LDHA: variants seen among roughly 807,000 people sequenced by gnomAD.
The protein encoded by LDHA is L-lactate dehydrogenase A chain.
A neutral mutation model predicts 36.3 loss-of-function variants in LDHA; 10 were observed. The observed-to-expected ratio is 0.28, with a 90% CI of 0.17 to 0.47. The LOEUF is 0.47. Ranked by LOEUF, LDHA falls within the 20% of genes least tolerant of loss-of-function variation. The pLI is 0.99. For missense variants in LDHA, 267 were observed against 405.8 expected (o/e 0.66, Z 2.94); for synonymous variants, 110 against 136.7 (o/e 0.80, Z 1.36).
Position 18,403,163 on chromosome 11 carries a change from A to C in LDHA, c.592+150A>C. 5.7e-6 allele frequency: 4 copies of C among 696,968 alleles called. No individual in the cohort carries two copies. In the South Asian group the frequency reaches 7.6e-5, roughly 13 times the overall value. The allele number at this position is 696,968 out of a possible 1,614,324, so 43.2% of individuals were successfully genotyped here. A position where few individuals can be genotyped will look rare whatever the true frequency, so the allele number is the denominator to read the frequency against. On this transcript the variant is annotated intron_variant, in intron 5 of 7. Transcript: ENST00000422447. Reference sequence around the variant, plus strand: ...TAGCATTTTGTATAATTATATGTTAAGAATTGTTAAGATTGTTGCCATTTT... The same window carrying C: ...TAGCATTTTGTATAATTATATGTTACGAATTGTTAAGATTGTTGCCATTTT...
At chr11:18,403,074 T>G (rs1335395665) in intron 5 of LDHA, 61 bp downstream of exon 5, 50 of 1,396,456 alleles carry the variant, frequency 3.6e-5, no homozygotes, top group South Asian at 2.5e-4. Flanking sequence ...CGATGGGCAT[T>G]ATATTATTCA....
At chr11:18,404,908 A>G (rs1866630488) in intron 6 of LDHA, among the ~76,000 whole-genome samples, 1 of 152,140 alleles carries the variant, frequency 6.6e-6, no homozygotes, top group East Asian at 1.9e-4. Flanking sequence ...AAACCTGTGA[A>G]CCCACCACCC....
chr11:18,406,999 C>G, intron 7 of LDHA, 118 bp from the exon 8 acceptor site: 2 of 788,086 alleles, frequency 2.5e-6, no homozygotes, highest in Non-Finnish European at 3.9e-6. Flanking sequence ...GAGCGAGACT[C>G]TGCCTCAAAA....
intron 1 of LDHA, 26 bp from the exon 2 acceptor site, chr11:18,396,793 G>T: frequency 6.4e-7 from 1 of 1,565,454 alleles, no homozygotes; most frequent in South Asian, 1.2e-5. Flanking sequence ...AAGCTGTAGT[G>T]ACACTAAATG....
chr11:18,395,600 C>T (rs997418594), intron 1 of LDHA, among the ~76,000 whole-genome samples: 5 of 152,128 alleles, frequency 3.3e-5, no homozygotes, highest in African/African-American at 4.8e-5. Flanking sequence ...AGGAGAGACC[C>T]GGCTCCAGCT....
chr11:18,404,161 C>T (rs1866594521), intron 6 of LDHA, among the ~76,000 whole-genome samples: 1 of 151,860 alleles, frequency 6.6e-6, no homozygotes, highest in African/African-American at 2.4e-5. Context: ...GAATGTGCCT[C>T]ACCTTGCAAG....
At chr11:18,398,073 T>C (rs1866358785) in intron 2 of LDHA, among the ~76,000 whole-genome samples, 1 of 152,222 alleles carries the variant, frequency 6.6e-6, no homozygotes, top group South Asian at 2.1e-4. Context: ...TTCTCTGTGA[T>C]GGCCTCTGGC....
chr11:18,400,568 A>AT, intron 3 of LDHA: 1 of 483,094 alleles, frequency 2.1e-6, no homozygotes, highest in Non-Finnish European at 3.9e-6. Flanking sequence ...TTGGGGATCA[A>AT]AAATTTGAGG....
intron 5 of LDHA, among the ~76,000 whole-genome samples, 178 bp downstream of exon 5, chr11:18,403,191 A>G (rs1866563885): frequency 6.6e-6 from 1 of 152,184 alleles, no homozygotes; most frequent in African/African-American, 2.4e-5. Context: ...GCCATTTTAT[A>G]TGGCATTTTA....
At chr11:18,400,426 CCACCACACACACACACA>C in intron 3 of LDHA, 12 of 238,984 alleles carry the variant, frequency 5.0e-5, no homozygotes, top group Non-Finnish European at 5.5e-5. Context: ...CCTACCACCA[CCACCACACACACACACA>C]CACACACACA....
Position 18,401,473 on chromosome 11 carries a change from C to CTTTTTTTTTTTTT in LDHA, c.418+473_418+485dup, listed in dbSNP as rs58157049. Among the ~76,000 whole-genome samples, 18 of 68,588 alleles carry CTTTTTTTTTTTTT rather than the reference C, an allele frequency of 2.6e-4. 1 individual carries two copies. Among genetic ancestry groups the CTTTTTTTTTTTTT allele is most frequent in the Non-Finnish European group, 3.3e-4 (13 of 39,194 alleles). The allele number at this position is 68,588 out of a possible 152,430, so 45.0% of individuals were successfully genotyped here. A position where few individuals can be genotyped will look rare whatever the true frequency, so the allele number is the denominator to read the frequency against. On this transcript the variant is annotated intron_variant, in intron 4 of 7. Transcript: ENST00000422447. The stretch of plus-strand genomic sequence containing the variant: ...CATATTTATTGATTCATTTATTTTT[C>CTTTTTTTTTTTTT]TTTTTTTTTTTTTTTTTTTTTTGAG...
At chr11:18,394,737 T>C in intron 1 of LDHA, 101 bp downstream of exon 1, 2 of 444,810 alleles carry the variant, frequency 4.5e-6, no homozygotes, top group Non-Finnish European at 9.1e-6. Flanking sequence ...GGATTCCTGC[T>C]CCCGGGAGGT....
Position 18,405,464 on chromosome 11 carries a change from C to T in LDHA, c.726C>T (p.Ile242=). The stretch of plus-strand genomic sequence containing the variant: ...TATCATACAGTGCTTATGAGGTGAT[C>T]AAACTCAAAGGCTACACATCCTGGG... ...KQVVESAYEV[I]KLKGYTSWAI... The change falls in exon 7 of 8, where the codon ATC becomes ATT. Residue 242 remains isoleucine, a synonymous_variant. Transcript: ENST00000422447. 1 of 1,613,246 alleles carries T rather than the reference C, an allele frequency of 6.2e-7. No homozygotes were observed. Among genetic ancestry groups the T allele is most frequent in the African/African-American group, 1.3e-5 (1 of 75,012 alleles).
intron 3 of LDHA, 196 bp from the exon 4 acceptor site, chr11:18,400,641 T>C (rs572046429): frequency 7.1e-5 from 47 of 666,546 alleles, no homozygotes; most frequent in African/African-American, 6.9e-4. Context: ...TCTCCCTAAT[T>C]GTAGTTACAT....
In LDHA at chr11:18,408,397, T is replaced by C. The variant is rs543384332; in HGVS notation, c.*1116T>C. The C allele has an allele frequency of 1.6e-4, 56 of 347,594 alleles. No homozygotes were observed. Among genetic ancestry groups the C allele is most frequent in the African/African-American group, 1.1e-3 (50 of 46,736 alleles). The allele number at this position is 347,594 out of a possible 1,614,324, so 21.5% of individuals were successfully genotyped here. ...GATGTCTACTCAAGTTTTCTGCACATTTTTCTGAAAATACAACTGTGACCC... is the reference window on the plus strand; with the variant it reads ...GATGTCTACTCAAGTTTTCTGCACACTTTTCTGAAAATACAACTGTGACCC... On this transcript the variant is annotated 3_prime_UTR_variant, in exon 8 of 8. Coordinates refer to ENST00000422447, the MANE Select transcript of LDHA (RefSeq NM_005566.4).
chr11:18,399,894 T>C (rs1866422051), intron 3 of LDHA: 1 of 257,222 alleles, frequency 3.9e-6, no homozygotes. Context: ...TGTGCCCGGC[T>C]TTAGACTTAA....
intron 4 of LDHA, among the ~76,000 whole-genome samples, chr11:18,402,006 G>C (rs1300887095): frequency 1.8e-5 from 2 of 111,874 alleles, no homozygotes; most frequent in Non-Finnish European, 3.5e-5. Context: ...GCTCAGGCTG[G>C]AGTGCAGTGG....
intron 6 of LDHA, 39 bp from the exon 7 acceptor site, chr11:18,405,410 T>G (rs1251162537): frequency 1.9e-6 from 3 of 1,609,702 alleles, no homozygotes; most frequent in Non-Finnish European, 2.5e-6. Context: ...TCTCCCACCC[T>G]GCTTTTTCTG....
rs1391503322 is a variant in LDHA, at chr11:18,407,800, A to G, written c.*519A>G. On this transcript the variant is annotated 3_prime_UTR_variant, in exon 8 of 8. Transcript: ENST00000422447. Reference sequence around the variant, plus strand: ...CTACATACAAACAATGCAACCAACTATCCAAGTGTTATACCAACTAAAACC... The same window carrying G: ...CTACATACAAACAATGCAACCAACTGTCCAAGTGTTATACCAACTAAAACC... 2.2e-6 allele frequency: 1 copy of G among 455,322 alleles called. No homozygotes were observed. The highest frequency in any genetic ancestry group is 2.0e-5 in the African/African-American group (1 of 50,088). The allele number at this position is 455,322 out of a possible 1,614,324, so 28.2% of individuals were successfully genotyped here.
Sources: gnomAD v4.1 joint callset for allele counts (sites outside exome capture counted in the v4.1 genomes callset) on GRCh38, gnomAD v4.1.1 for gene constraint, MANE v1.5 for transcripts, NCBI Gene and HGNC (gene_info 2026-07-23, HGNC 2026-07-21) for gene names.